PCDH15: variants seen among roughly 807,000 people sequenced by gnomAD.
The protein encoded by PCDH15 is protocadherin related 15.
Under a neutral mutation model 178.5 loss-of-function variants are expected in PCDH15, and 129 were observed. The ratio of observed to expected loss-of-function variants is 0.72; its 90% CI spans 0.63 to 0.84. The LOEUF (loss-of-function observed/expected upper bound fraction) is 0.84, where lower values mean the gene tolerates loss of function less well. PCDH15 is among the 40% of genes least tolerant of loss of function. The pLI is 0.00. For synonymous variants in PCDH15, 800 were observed against 732.0 expected (o/e 1.09, Z -1.50); for missense variants, 2,230 against 2,099.9 (o/e 1.06, Z -1.21).
At chr10:54,899,508 G>GT (rs1250850774) in intron 2 of PCDH15, among the ~76,000 whole-genome samples, 5 of 66,156 alleles carry the variant, frequency 7.6e-5, no homozygotes, top group African/African-American at 1.8e-4. Context: ...TTTCTTTTCT[G>GT]TTTTTTGAGA....
At chr10:55,168,893 G>T (rs1194198272) in intron 1 of PCDH15, among the ~76,000 whole-genome samples, 1 of 152,028 alleles carries the variant, frequency 6.6e-6, no homozygotes, top group Non-Finnish European at 1.5e-5. Flanking sequence ...TAGATTTGGG[G>T]AGTTATAAAT....
At chr10:55,226,716 A>T (rs1841055940) in intron 1 of PCDH15, among the ~76,000 whole-genome samples, 1 of 152,134 alleles carries the variant, frequency 6.6e-6, no homozygotes, top group Admixed American at 6.5e-5. Flanking sequence ...CTTGTAGAAA[A>T]TAAGAAAGAC....
intron 2 of PCDH15, among the ~76,000 whole-genome samples, chr10:54,645,711 G>A (rs1407954633): frequency 6.6e-6 from 1 of 152,234 alleles, no homozygotes; most frequent in East Asian, 1.9e-4. Context: ...ATGTTTGCAT[G>A]TGTGTGTAAA....
rs367866103 is a variant in PCDH15 at position 54,195,624 on chromosome 10, C to T, written c.1305+59G>A. ...GTAGCCATATCTTTGTCATATTTCCCATTAATGGAAATATGAGATTTGTTA... is the reference window on the plus strand; with the variant it reads ...GTAGCCATATCTTTGTCATATTTCCTATTAATGGAAATATGAGATTTGTTA... On this transcript the variant is annotated intron_variant, in intron 11 of 37. Coordinates refer to ENST00000644397, the MANE Select transcript of PCDH15 (RefSeq NM_001384140.1). 176 of 1,400,886 alleles carry T rather than the reference C, an allele frequency of 1.3e-4. No individual in the cohort carries two copies. In the African/African-American group the frequency reaches 2.0e-3, roughly 16 times the overall value. 86.8% of individuals were successfully genotyped at this position (1,400,886 alleles called of 1,614,324 possible).
intron 19 of PCDH15, 52 bp from the exon 20 acceptor site, chr10:54,020,468 A>G (rs763377765): frequency 1.1e-5 from 17 of 1,551,080 alleles, no homozygotes; most frequent in Middle Eastern, 3.3e-4. Flanking sequence ...AAATAAAGAA[A>G]TGCAGGAAGG....
intron 2 of PCDH15, among the ~76,000 whole-genome samples, chr10:54,938,857 A>C (rs1447911293): frequency 6.6e-6 from 1 of 152,122 alleles, no homozygotes; most frequent in Non-Finnish European, 1.5e-5. Flanking sequence ...ATATAGAAAA[A>C]CGTAAAGTTT....
intron 2 of PCDH15, among the ~76,000 whole-genome samples, chr10:55,362,264 T>G (rs1429035745): frequency 2.0e-5 from 3 of 152,160 alleles, no homozygotes; most frequent in Non-Finnish European, 4.4e-5. Context: ...CGTGGTACTT[T>G]TTTATTTTGC....
chr10:55,393,522 C>G (rs1837850313), intron 2 of PCDH15, among the ~76,000 whole-genome samples: 1 of 152,144 alleles, frequency 6.6e-6, no homozygotes, highest in Non-Finnish European at 1.5e-5. Flanking sequence ...GATGCTCTTT[C>G]ATCAACTAAG....
chr10:54,085,145 A>T (rs2136001681), intron 16 of PCDH15, among the ~76,000 whole-genome samples: 1 of 152,252 alleles, frequency 6.6e-6, no homozygotes, highest in South Asian at 2.1e-4. Flanking sequence ...CAGGGAATAA[A>T]ATAAATATCT....
chr10:54,133,227 T>A (rs2042597892), intron 14 of PCDH15, among the ~76,000 whole-genome samples: 1 of 152,210 alleles, frequency 6.6e-6, no homozygotes. Flanking sequence ...TATCTGTTTT[T>A]CCTACTTAGA....
intron 2 of PCDH15, among the ~76,000 whole-genome samples, chr10:54,562,791 C>T (rs11004386): frequency 0.058 from 8,764 of 151,970 alleles, 304 homozygotes; most frequent in South Asian, 0.097. Flanking sequence ...ATATATAGCA[C>T]GGAATGATTG....
At chr10:55,277,104 G>A (rs1020597671) in intron 1 of PCDH15, among the ~76,000 whole-genome samples, 1 of 151,994 alleles carries the variant, frequency 6.6e-6, no homozygotes, top group Non-Finnish European at 1.5e-5. Context: ...TAGCATTCCA[G>A]TTCAGAGGGT....
intron 2 of PCDH15, among the ~76,000 whole-genome samples, chr10:55,432,841 C>T (rs1462404200): frequency 6.6e-6 from 1 of 151,586 alleles, no homozygotes; most frequent in Non-Finnish European, 1.5e-5. Flanking sequence ...AGCCAGGATG[C>T]TCTCGATCTC....
Position 54,267,816 on chromosome 10 carries a change from T to C in PCDH15, c.877-30885A>G, listed in dbSNP as rs146322516. On this transcript the variant is annotated intron_variant, in intron 8 of 37. Coordinates refer to ENST00000644397, the MANE Select transcript of PCDH15 (RefSeq NM_001384140.1). ...TGGAAAAATATTACATGCTTATAGA[T>C]TGGAAGATTCAACATCATTAAAATG... Among the ~76,000 whole-genome samples, 24 of 152,100 alleles carry C rather than the reference T, an allele frequency of 1.6e-4. No individual in the cohort carries two copies. The East Asian group carries it at 4.4e-3, about 28-fold the overall frequency.
chr10:54,523,336 A>C (rs1445819822), intron 3 of PCDH15, among the ~76,000 whole-genome samples: 1 of 152,182 alleles, frequency 6.6e-6, no homozygotes, highest in Non-Finnish European at 1.5e-5. Flanking sequence ...GTACTTTAAC[A>C]GTGCGTAGAT....
chr10:54,770,862 T>C (rs1013057411), intron 1 of PCDH15, among the ~76,000 whole-genome samples: 9 of 152,056 alleles, frequency 5.9e-5, no homozygotes, highest in African/African-American at 2.2e-4. Context: ...TCCTGAGTTT[T>C]GATTGTTCAA....
At chr10:54,806,308 G>A (rs1364432710) in intron 3 of PCDH15, among the ~76,000 whole-genome samples, 1 of 152,094 alleles carries the variant, frequency 6.6e-6, no homozygotes, top group Non-Finnish European at 1.5e-5. Flanking sequence ...GTAGCTTGAA[G>A]CAACACACAT....
At chr10:54,497,467 A>C (rs187254482) in intron 3 of PCDH15, among the ~76,000 whole-genome samples, 6 of 152,286 alleles carry the variant, frequency 3.9e-5, no homozygotes, top group Admixed American at 1.3e-4. Context: ...CTAAAATGAC[A>C]GACATAGAAT....
chr10:55,288,772 T>C (rs1235310604), intron 1 of PCDH15, among the ~76,000 whole-genome samples: 1 of 151,960 alleles, frequency 6.6e-6, no homozygotes, highest in Non-Finnish European at 1.5e-5. Context: ...TTTATCCGTT[T>C]ATGTGGATTT....
Sources: allele counts gnomAD v4.1 joint callset (sites outside exome capture counted in the v4.1 genomes callset), GRCh38; gene constraint gnomAD v4.1.1; transcripts MANE v1.5; gene names NCBI Gene and HGNC (gene_info 2026-07-23, HGNC 2026-07-21).